TNIP1: variants seen among roughly 807,000 people sequenced by gnomAD.
TNIP1 encodes TNFAIP3-interacting protein 1.
TNIP1 carries 22 observed loss-of-function variants against 86.6 expected under a neutral mutation model. The ratio of observed to expected loss-of-function variants is 0.25; its 90% CI spans 0.18 to 0.36. TNIP1 has a LOEUF of 0.36. Ranked by LOEUF, TNIP1 falls within the 10% of genes least tolerant of loss-of-function variation. TNIP1 has a pLI of 1.00. For missense variants in TNIP1, 709 were observed against 820.6 expected (o/e 0.86, Z 1.66); for synonymous variants, 294 against 313.0 (o/e 0.94, Z 0.64).
intron 15 of TNIP1, 110 bp downstream of exon 15, chr5:151,034,892 G>T: frequency 8.4e-7 from 1 of 1,191,052 alleles, no homozygotes; most frequent in Admixed American, 1.9e-5. Context: ...TCATCAGTTA[G>T]TTAGCAGAGG....
At chr5:151,058,159 G>A (rs527953337) in intron 5 of TNIP1, among the ~76,000 whole-genome samples, 1 of 152,302 alleles carries the variant, frequency 6.6e-6, no homozygotes, top group South Asian at 2.1e-4. Flanking sequence ...GACCTCAGGT[G>A]ATCCACCCAC....
At chr5:151,085,171 G>A (rs1764230870), upstream of TNIP1, among the ~76,000 whole-genome samples, 1 of 152,196 alleles carries the variant, frequency 6.6e-6, no homozygotes, top group Non-Finnish European at 1.5e-5. Context: ...GATAAGGTGT[G>A]GGTTCTGGCC....
chr5:151,032,347 G>C lies in TNIP1; in HGVS notation c.1816C>G (p.Arg606Gly). ...ACTTGGGAGCTCTGATTTGGATTTC[G>C]AACCCCTCCACAGGGTAGACGCCAG... ...YTWRLPCGGV[R>G]NPNQSSQVMD... The change falls in exon 17 of 18, where the codon CGA (arginine) becomes GGA (glycine). Residue 606 changes from arginine (R) to glycine (G), a missense_variant. Arg to Gly is a moderately radical substitution (Grantham distance 125). Transcript: ENST00000521591. 1 of 1,614,066 alleles carries C rather than the reference G, an allele frequency of 6.2e-7. No individual in the cohort carries two copies. The highest frequency in any genetic ancestry group is 8.5e-7 in the Non-Finnish European group (1 of 1,180,014).
chr5:151,042,604 T>G lies in TNIP1; in HGVS notation c.1070A>C (p.Glu357Ala). The G allele has an allele frequency of 6.2e-7, 1 of 1,613,816 alleles. No homozygotes were observed. Among genetic ancestry groups the G allele is most frequent in the Non-Finnish European group, 8.5e-7 (1 of 1,179,996 alleles). Residue 357 changes from glutamate to alanine, a missense_variant, in exon 11 of 18, where the codon GAG becomes GCG. By Grantham distance (107) the Glu-to-Ala change is moderately radical. Transcript: ENST00000521591. ...KQVTDLEAER[E>A]QKQRDFDRKL... ...GCGGTCAAAGTCACGCTGCTTCTGC[T>G]CCCGCTCGGCCTCCAGGTCAGTCAC...
chr5:151,044,186 C>T (rs1478737115), intron 9 of TNIP1, among the ~76,000 whole-genome samples: 3 of 151,978 alleles, frequency 2.0e-5, no homozygotes, highest in African/African-American at 4.8e-5. Context: ...GCCGAGACTA[C>T]AGGTGTGTAC....
At chr5:151,048,181 G>A (rs1182653254) in intron 8 of TNIP1, among the ~76,000 whole-genome samples, 2 of 152,218 alleles carry the variant, frequency 1.3e-5, no homozygotes, top group South Asian at 2.1e-4. Context: ...ACAAGTTACC[G>A]GGGAAGGAGG....
rs759344019 is a variant in TNIP1, at chr5:151,030,566, G to A, written c.*147C>T. The stretch of plus-strand genomic sequence containing the variant: ...CAGTCCTGTAAACAGCTCAGTTCAG[G>A]GACTGGTGTACAAGCTGGCCACCCA... On this transcript the variant is annotated 3_prime_UTR_variant, in exon 18 of 18. Coordinates refer to ENST00000521591, the MANE Select transcript of TNIP1 (RefSeq NM_006058.5). 1 of 1,300,842 alleles carries A rather than the reference G, an allele frequency of 7.7e-7. No homozygotes were observed. 80.6% of individuals were successfully genotyped at this position (1,300,842 alleles called of 1,614,324 possible).
chr5:151,035,439 C>T lies in TNIP1; in HGVS notation c.1521+143G>A, dbSNP rs543027739. The T allele has an allele frequency of 5.8e-5, 70 of 1,212,312 alleles. No homozygotes were observed. In the African/African-American group the frequency reaches 9.5e-4, roughly 16 times the overall value. 75.1% of individuals were successfully genotyped at this position (1,212,312 alleles called of 1,614,324 possible). On this transcript the variant is annotated intron_variant, in intron 14 of 17. Transcript: ENST00000521591. ...AAGAAAGAGTCAGAGAGGGGAAGGG[C>T]CTTGCCGAGCTCAAATATGATTGCA...
chr5:151,066,910 G>A (rs1376714559), intron 1 of TNIP1, among the ~76,000 whole-genome samples: 1 of 152,170 alleles, frequency 6.6e-6, no homozygotes, highest in Non-Finnish European at 1.5e-5. Flanking sequence ...TCACCTCTGG[G>A]CAGTTTCCCT....
At chr5:151,065,236 T>A in intron 1 of TNIP1, 105 bp from the exon 2 acceptor site, 1 of 955,726 alleles carries the variant, frequency 1.0e-6, no homozygotes, top group Non-Finnish European at 1.5e-6. Flanking sequence ...TCCCCCACTT[T>A]AAGCTGGTCT....
intron 6 of TNIP1, among the ~76,000 whole-genome samples, chr5:151,053,305 T>C (rs1760212803): frequency 6.6e-6 from 1 of 152,062 alleles, no homozygotes; most frequent in South Asian, 2.1e-4. Flanking sequence ...AGACGGGGTT[T>C]CACCATGTTG....
chr5:151,049,373 T>C (rs904797297), intron 8 of TNIP1, among the ~76,000 whole-genome samples: 2 of 152,094 alleles, frequency 1.3e-5, no homozygotes, highest in African/African-American at 4.8e-5. Context: ...CTCTCCACTT[T>C]AGAGGCTCCA....
intron 15 of TNIP1, chr5:151,034,702 G>A: frequency 2.4e-6 from 1 of 422,954 alleles, no homozygotes; most frequent in Non-Finnish European, 4.4e-6. Context: ...CGGAGGGCTG[G>A]AACATGGGCA....
intron 1 of TNIP1, among the ~76,000 whole-genome samples, chr5:151,067,731 C>T (rs1205010232): frequency 6.6e-6 from 1 of 152,156 alleles, no homozygotes; most frequent in Admixed American, 6.5e-5. Context: ...CCTCGGTAAA[C>T]CTTGAATTCA....
At chr5:151,040,723 C>T (rs973952260) in intron 11 of TNIP1, among the ~76,000 whole-genome samples, 6 of 152,278 alleles carry the variant, frequency 3.9e-5, no homozygotes, top group African/African-American at 1.4e-4. Flanking sequence ...GTGTCACAGA[C>T]GTAGGCTGAC....
chr5:151,068,969 C>T (rs781287644), intron 1 of TNIP1, among the ~76,000 whole-genome samples: 2 of 152,238 alleles, frequency 1.3e-5, no homozygotes, highest in Admixed American at 6.5e-5. Context: ...CCTCAGCCAG[C>T]GGGGCCTCCA....
At chr5:151,080,600 C>T (rs1469835287) in intron 1 of TNIP1, among the ~76,000 whole-genome samples, 1 of 152,262 alleles carries the variant, frequency 6.6e-6, no homozygotes, top group Non-Finnish European at 1.5e-5. Flanking sequence ...GCCGCCCGCA[C>T]CCGGAGGGTC....
In TNIP1 at chr5:151,032,319, A is replaced by T; in HGVS notation, c.1844T>A (p.Met615Lys). Reference sequence around the variant, plus strand: ...TGTAGGCCTGGCTGTGGGAGGGTCCATCACTTGGGAGCTCTGATTTGGATT... The same window carrying T: ...TGTAGGCCTGGCTGTGGGAGGGTCCTTCACTTGGGAGCTCTGATTTGGATT... ...VRNPNQSSQV[M>K]DPPTARPTEP... The change falls in exon 17 of 18, where the codon ATG becomes AAG. Residue 615 changes from methionine to lysine, a missense_variant. Physicochemically the swap from Met to Lys is moderately conservative, Grantham distance 95. Transcript: ENST00000521591. The T allele has an allele frequency of 6.2e-7, 1 of 1,614,100 alleles. No individual in the cohort carries two copies. Among genetic ancestry groups the T allele is most frequent in the Non-Finnish European group, 8.5e-7 (1 of 1,179,978 alleles).
At chr5:151,046,513 C>T (rs1408013481) in intron 8 of TNIP1, among the ~76,000 whole-genome samples, 1 of 152,136 alleles carries the variant, frequency 6.6e-6, no homozygotes, top group Non-Finnish European at 1.5e-5. Context: ...CAGAGACATC[C>T]AGCAGCACTG....
Sources: gnomAD v4.1 joint callset for allele counts (sites outside exome capture counted in the v4.1 genomes callset) on GRCh38, gnomAD v4.1.1 for gene constraint, MANE v1.5 for transcripts, NCBI Gene and HGNC (gene_info 2026-07-23, HGNC 2026-07-21) for gene names.